Variants in LRRTM4 observed in about 807,000 individuals in gnomAD.
LRRTM4 encodes leucine rich repeat transmembrane neuronal 4, also known as leucine-rich repeat transmembrane neuronal protein 4.
In LRRTM4, 25 loss-of-function variants were observed where a neutral mutation model predicts 47.6. The observed-to-expected ratio is 0.53, with a 90% CI of 0.38 to 0.73. The LOEUF (loss-of-function observed/expected upper bound fraction) is 0.73, where lower values mean the gene tolerates loss of function less well. Ranked by LOEUF, LRRTM4 falls within the 30% of genes least tolerant of loss-of-function variation. The pLI is 0.00. For synonymous variants in LRRTM4, 311 were observed against 269.5 expected (o/e 1.15, Z -1.51); for missense variants, 638 against 713.4 (o/e 0.89, Z 1.20).
intron 3 of LRRTM4, among the ~76,000 whole-genome samples, chr2:77,015,739 G>A (rs1458227041): frequency 1.3e-5 from 2 of 152,140 alleles, no homozygotes; most frequent in African/African-American, 4.8e-5. Context: ...GAAAAAAGGG[G>A]AAAAAGCCTG....
At chr2:77,182,105 T>C (rs1673363902) in intron 3 of LRRTM4, among the ~76,000 whole-genome samples, 1 of 152,148 alleles carries the variant, frequency 6.6e-6, no homozygotes, top group Admixed American at 6.6e-5. Context: ...CATTCTACTA[T>C]AAAGATACAT....
At chr2:77,463,584 T>C (rs1676870732) in intron 3 of LRRTM4, among the ~76,000 whole-genome samples, 1 of 152,084 alleles carries the variant, frequency 6.6e-6, no homozygotes, top group Non-Finnish European at 1.5e-5. Context: ...CACTAGAGAA[T>C]AGCAACCATA....
At chr2:76,775,075 A>T (rs1573079318) in intron 3 of LRRTM4, among the ~76,000 whole-genome samples, 1 of 152,046 alleles carries the variant, frequency 6.6e-6, no homozygotes, top group African/African-American at 2.4e-5. Flanking sequence ...CCCTCCCCTG[A>T]CTTTTTGCAT....
chr2:77,500,249 T>C (rs920964509), intron 3 of LRRTM4, among the ~76,000 whole-genome samples: 1 of 151,794 alleles, frequency 6.6e-6, no homozygotes, highest in African/African-American at 2.4e-5. Flanking sequence ...TGTTGAGCAT[T>C]CTCACAGCTT....
intron 3 of LRRTM4, among the ~76,000 whole-genome samples, chr2:77,045,631 G>C (rs1355513530): frequency 2.6e-5 from 4 of 151,942 alleles, no homozygotes; most frequent in African/African-American, 7.2e-5. Context: ...TTATAAGGAG[G>C]AGTTTTCCTG....
intron 3 of LRRTM4, among the ~76,000 whole-genome samples, chr2:76,807,905 C>G (rs983191339): frequency 1.4e-4 from 20 of 144,342 alleles, no homozygotes; most frequent in Admixed American, 4.3e-4. Flanking sequence ...CTTTACTTTT[C>G]TTTCTTTTCT....
intron 3 of LRRTM4, among the ~76,000 whole-genome samples, chr2:77,185,449 G>A (rs535114259): frequency 1.2e-4 from 18 of 152,140 alleles, no homozygotes; most frequent in Non-Finnish European, 1.8e-4. Context: ...CTACAAGGGC[G>A]TTTACTTATA....
chr2:76,999,346 G>A (rs1677327248), intron 3 of LRRTM4, among the ~76,000 whole-genome samples: 2 of 151,736 alleles, frequency 1.3e-5, no homozygotes, highest in Admixed American at 6.6e-5. Flanking sequence ...TTGAGCAACT[G>A]GTACACAGTA....
intron 3 of LRRTM4, among the ~76,000 whole-genome samples, chr2:76,976,420 AT>A (rs1209343544): frequency 7.9e-5 from 12 of 151,920 alleles, no homozygotes; most frequent in South Asian, 2.1e-4. Flanking sequence ...ATTAAAAAAA[AT>A]AAACCAAAAC....
chr2:77,389,066 T>C (rs538912945), intron 3 of LRRTM4, among the ~76,000 whole-genome samples: 1 of 152,196 alleles, frequency 6.6e-6, no homozygotes, highest in Non-Finnish European at 1.5e-5. Flanking sequence ...TATTAGTGTA[T>C]TCACAGGTAT....
Position 77,505,960 on chromosome 2 carries a change from C to A in LRRTM4, c.1551+12358G>T, listed in dbSNP as rs144863244. Among the ~76,000 whole-genome samples, 628 of 151,428 alleles carry A rather than the reference C, an allele frequency of 4.1e-3. 4 individuals are homozygous for A. Among genetic ancestry groups the A allele is most frequent in the Middle Eastern group, 0.017 (5 of 290 alleles). ...ATATGTGTGTTCAGGGAAGAGAGAG[C>A]GATACAAAAATCTCATTTCAAATAG... On this transcript the variant is annotated intron_variant, in intron 3 of 3. Coordinates refer to ENST00000409884, the MANE Select transcript of LRRTM4 (RefSeq NM_001134745.3).
At chr2:77,468,701 G>A (rs1431799622) in intron 3 of LRRTM4, among the ~76,000 whole-genome samples, 1 of 152,058 alleles carries the variant, frequency 6.6e-6, no homozygotes, top group East Asian at 1.9e-4. Flanking sequence ...TTGATTGGAG[G>A]AGTCTAGAGG....
intron 3 of LRRTM4, among the ~76,000 whole-genome samples, chr2:77,034,440 T>C (rs1285240651): frequency 5.3e-5 from 8 of 151,960 alleles, no homozygotes; most frequent in African/African-American, 1.9e-4. Flanking sequence ...TAGACATAAA[T>C]AGTTTAATCT....
intron 3 of LRRTM4, chr2:76,987,601 A>C (rs1374592724): frequency 1.3e-5 from 2 of 151,942 alleles, no homozygotes; most frequent in Non-Finnish European, 2.9e-5. Context: ...TCAAAATTTC[A>C]ATGGCTTAAT....
chr2:76,887,105 C>T (rs1483286925), intron 3 of LRRTM4, among the ~76,000 whole-genome samples: 1 of 151,506 alleles, frequency 6.6e-6, no homozygotes, highest in African/African-American at 2.4e-5. Context: ...ACAGAAATAT[C>T]TACAAAATAA....
At chr2:76,786,314 T>C (rs377393137) in intron 3 of LRRTM4, among the ~76,000 whole-genome samples, 1 of 152,166 alleles carries the variant, frequency 6.6e-6, no homozygotes, top group East Asian at 1.9e-4. Context: ...GTTAAGAATA[T>C]TTATAACAGA....
At chr2:76,990,977 A>G (rs1474797976) in intron 3 of LRRTM4, among the ~76,000 whole-genome samples, 2 of 151,808 alleles carry the variant, frequency 1.3e-5, no homozygotes, top group Non-Finnish European at 1.5e-5. Flanking sequence ...ACAAAACAGA[A>G]ATCAATAACA....
intron 3 of LRRTM4, among the ~76,000 whole-genome samples, chr2:77,443,510 G>A (rs929845105): frequency 6.6e-6 from 1 of 152,086 alleles, no homozygotes; most frequent in Admixed American, 6.6e-5. Context: ...GCTAGTCCAA[G>A]AAACAACATA....
intron 3 of LRRTM4, among the ~76,000 whole-genome samples, chr2:77,169,765 T>C (rs1672992808): frequency 6.6e-6 from 1 of 152,170 alleles, no homozygotes; most frequent in Admixed American, 6.6e-5. Flanking sequence ...CACATAAGTC[T>C]CTGTTCATTA....
Sources: allele counts gnomAD v4.1 joint callset (sites outside exome capture counted in the v4.1 genomes callset), GRCh38; gene constraint gnomAD v4.1.1; transcripts MANE v1.5; gene names NCBI Gene and HGNC (gene_info 2026-07-23, HGNC 2026-07-21).